The following CDH13 variants were observed in gnomAD, a reference collection of about 807,000 sequenced individuals.
CDH13 encodes cadherin 13, also known as cadherin-13.
Under a neutral mutation model 63.8 loss-of-function variants are expected in CDH13, and 24 were observed. The observed-to-expected ratio is 0.38, with a 90% CI of 0.27 to 0.53. The LOEUF is 0.53. Ranked by LOEUF, CDH13 falls within the 20% of genes least tolerant of loss-of-function variation. CDH13 has a pLI of 0.85. For synonymous variants in CDH13, 503 were observed against 355.3 expected (o/e 1.42, Z -4.67); for missense variants, 1,049 against 903.1 (o/e 1.16, Z -2.07).
At position 83,086,671 on chromosome 16, in the gene CDH13, C is replaced by G. The variant is rs114760509; in HGVS notation, c.367-38714C>G. ...TTGAAATTAAGTTTTGTGTCTTTAC[C>G]TTGCCAGTAGTATTTGCTCCAAGAA... On this transcript the variant is annotated intron_variant, in intron 3 of 13. Transcript: ENST00000567109. Among the ~76,000 whole-genome samples the G allele has an allele frequency of 4.4e-3, 663 of 152,240 alleles. 2 individuals are homozygous for G. The highest frequency in any genetic ancestry group is 0.015 in the African/African-American group (639 of 41,532).
intron 1 of CDH13, chr16:82,824,073 C>A (rs950701158): frequency 2.6e-5 from 4 of 151,992 alleles, no homozygotes; most frequent in Admixed American, 6.6e-5. Context: ...TCTTGTCATA[C>A]CAAGAAGCAG....
intron 4 of CDH13, among the ~76,000 whole-genome samples, chr16:83,195,159 T>C (rs1567496487): frequency 6.6e-6 from 1 of 152,186 alleles, no homozygotes; most frequent in Non-Finnish European, 1.5e-5. Flanking sequence ...GTGTTTATAA[T>C]TAAAACAGTT....
At chr16:83,173,451 T>G (rs2038004760) in intron 4 of CDH13, among the ~76,000 whole-genome samples, 1 of 152,026 alleles carries the variant, frequency 6.6e-6, no homozygotes, top group Non-Finnish European at 1.5e-5. Flanking sequence ...ACCGTGGGTC[T>G]CTTTTTATTA....
intron 5 of CDH13, among the ~76,000 whole-genome samples, chr16:83,269,030 A>G (rs1165426960): frequency 6.6e-6 from 1 of 152,214 alleles, no homozygotes. Flanking sequence ...TCAGCAATCA[A>G]CTACATCTGT....
At chr16:82,938,981 T>C (rs1003309347) in intron 2 of CDH13, among the ~76,000 whole-genome samples, 2 of 152,188 alleles carry the variant, frequency 1.3e-5, no homozygotes, top group African/African-American at 2.4e-5. Flanking sequence ...AAGATTCATC[T>C]TCTGTGGTTC....
At position 82,676,970 on chromosome 16, in the gene CDH13, G is replaced by A. The variant is rs1287098448; in HGVS notation, c.45+49833G>A. ...GCAAGCTCAGCTCGCTGCAACCTCC[G>A]CCTCCCAGGTTCAAGCGATTCTCCT... On this transcript the variant is annotated intron_variant, in intron 1 of 13. Coordinates refer to ENST00000567109, the MANE Select transcript of CDH13 (RefSeq NM_001257.5). Among the ~76,000 whole-genome samples the A allele has an allele frequency of 5.3e-5, 8 of 152,088 alleles. No homozygotes were observed. In the South Asian group the frequency reaches 6.2e-4, roughly 12 times the overall value.
intron 4 of CDH13, among the ~76,000 whole-genome samples, chr16:83,208,610 A>C (rs2039248111): frequency 6.6e-6 from 1 of 152,224 alleles, no homozygotes; most frequent in Non-Finnish European, 1.5e-5. Context: ...TATAAAACTG[A>C]AAATATTATA....
intron 4 of CDH13, among the ~76,000 whole-genome samples, chr16:83,191,612 C>T (rs1417019754): frequency 6.7e-6 from 1 of 148,688 alleles, no homozygotes; most frequent in African/African-American, 2.5e-5. Flanking sequence ...CTCACATGAT[C>T]ACAAGGTCCC....
chr16:82,948,142 G>C (rs1422779488), intron 2 of CDH13, among the ~76,000 whole-genome samples: 2 of 152,074 alleles, frequency 1.3e-5, no homozygotes, highest in Non-Finnish European at 2.9e-5. Context: ...TCAAAACAAA[G>C]AAATGAAACA....
At chr16:83,356,016 G>A (rs926870844) in intron 6 of CDH13, among the ~76,000 whole-genome samples, 2 of 152,158 alleles carry the variant, frequency 1.3e-5, no homozygotes, top group African/African-American at 4.8e-5. Flanking sequence ...TCACACAGCT[G>A]GTGGGTGATG....
chr16:82,744,998 G>A (rs1411352301), intron 1 of CDH13, among the ~76,000 whole-genome samples: 2 of 152,240 alleles, frequency 1.3e-5, no homozygotes, highest in Non-Finnish European at 2.9e-5. Flanking sequence ...TTTCCAGTAC[G>A]GAGAGCGGTG....
At chr16:83,423,493 T>TA (rs35646257) in intron 6 of CDH13, among the ~76,000 whole-genome samples, 18,744 of 146,384 alleles carry the variant, frequency 0.13, 1,511 homozygotes, top group Middle Eastern at 0.19. Context: ...TGACAGCATT[T>TA]AAAAAAAAAA....
intron 1 of CDH13, among the ~76,000 whole-genome samples, chr16:82,721,660 G>T (rs898451026): frequency 3.9e-5 from 6 of 152,196 alleles, no homozygotes; most frequent in African/African-American, 1.4e-4. Flanking sequence ...GGCAAGAAAT[G>T]TACTTTGACA....
chr16:82,725,081 T>C (rs546770372), intron 1 of CDH13, among the ~76,000 whole-genome samples: 1 of 152,276 alleles, frequency 6.6e-6, no homozygotes, highest in African/African-American at 2.4e-5. Flanking sequence ...GTCATGGTGA[T>C]GGTGATGATG....
chr16:83,090,371 G>A (rs2033835471), intron 3 of CDH13, among the ~76,000 whole-genome samples: 2 of 151,864 alleles, frequency 1.3e-5, no homozygotes. Context: ...GTCAGGAGTT[G>A]GAGACCAGCC....
At chr16:82,764,537 A>C (rs2034977540) in intron 1 of CDH13, among the ~76,000 whole-genome samples, 1 of 152,202 alleles carries the variant, frequency 6.6e-6, no homozygotes, top group African/African-American at 2.4e-5. Flanking sequence ...ATACAGCCTT[A>C]GTGGGATTAA....
At chr16:82,884,354 C>T (rs769715213) in intron 2 of CDH13, 5 of 373,934 alleles carry the variant, frequency 1.3e-5, no homozygotes, top group South Asian at 8.3e-5. Flanking sequence ...GCTTGGGATT[C>T]AGTTCTTCTA....
chr16:82,638,181 C>G (rs1223846734), intron 1 of CDH13, among the ~76,000 whole-genome samples: 2 of 152,144 alleles, frequency 1.3e-5, no homozygotes, highest in Non-Finnish European at 2.9e-5. Context: ...CGCTGCAAAC[C>G]TGGGAACCCA....
chr16:82,632,842 GT>G (rs1908180498), intron 1 of CDH13, among the ~76,000 whole-genome samples: 1 of 152,160 alleles, frequency 6.6e-6, no homozygotes, highest in Non-Finnish European at 1.5e-5. Context: ...CCCTGAGCTT[GT>G]TTTTCTGCCA....
Sources: gnomAD v4.1 joint callset for allele counts (sites outside exome capture counted in the v4.1 genomes callset) on GRCh38, gnomAD v4.1.1 for gene constraint, MANE v1.5 for transcripts, NCBI Gene and HGNC (gene_info 2026-07-23, HGNC 2026-07-21) for gene names.